SLCO5A1: variants seen among roughly 807,000 people sequenced by gnomAD.
SLCO5A1 encodes solute carrier organic anion transporter family member 5A1.
A neutral mutation model predicts 65.1 loss-of-function variants in SLCO5A1; 39 were observed. The ratio of observed to expected loss-of-function variants is 0.60; its 90% CI spans 0.46 to 0.78. SLCO5A1 has a LOEUF of 0.78. Among genes scored for constraint, SLCO5A1 ranks in the 30% least tolerant of loss-of-function variants. The probability of loss-of-function intolerance (pLI) is 0.00; values close to 1 mark genes in which losing one functional copy is unlikely to be tolerated. For missense variants in SLCO5A1, 1,029 were observed against 1,069.4 expected (o/e 0.96, Z 0.53); for synonymous variants, 438 against 415.7 (o/e 1.05, Z -0.65).
At chr8:69,825,078 T>G (rs1156753574) in intron 2 of SLCO5A1, among the ~76,000 whole-genome samples, 1 of 152,130 alleles carries the variant, frequency 6.6e-6, no homozygotes, top group East Asian at 1.9e-4. Context: ...AATTCAACAA[T>G]GCTTCATGGT....
rs529617880 is a variant in SLCO5A1, at chr8:69,695,021, T to C, written c.1622+10010A>G. Among the ~76,000 whole-genome samples, 13 of 152,336 alleles carry C rather than the reference T, an allele frequency of 8.5e-5. 1 individual carries two copies. The South Asian group carries it at 2.7e-3, about 32-fold the overall frequency. On this transcript the variant is annotated intron_variant, in intron 6 of 9. Coordinates refer to ENST00000260126, the MANE Select transcript of SLCO5A1 (RefSeq NM_030958.3). ...GGTAGGTGCCAGACATTCATTCATC[T>C]GTTAAAGAAGAAAATGGAATTGCTC...
At chr8:69,716,154 A>C (rs2380578) in intron 5 of SLCO5A1, among the ~76,000 whole-genome samples, 11,663 of 152,264 alleles carry the variant, frequency 0.077, 640 homozygotes, top group African/African-American at 0.14. Context: ...TGAGTTCTTC[A>C]TTCCTATTTA....
At chr8:69,729,571 A>T (rs1335756107) in intron 5 of SLCO5A1, among the ~76,000 whole-genome samples, 2 of 151,978 alleles carry the variant, frequency 1.3e-5, no homozygotes, top group African/African-American at 4.8e-5. Flanking sequence ...TAGAATATAA[A>T]TTTTTACTCT....
intron 2 of SLCO5A1, among the ~76,000 whole-genome samples, chr8:69,801,579 T>C (rs1278724709): frequency 6.6e-6 from 1 of 152,236 alleles, no homozygotes; most frequent in African/African-American, 2.4e-5. Flanking sequence ...ACGAACATTT[T>C]ATGATTTAGA....
chr8:69,686,051 A>G (rs1437276018), intron 6 of SLCO5A1, among the ~76,000 whole-genome samples: 2 of 152,052 alleles, frequency 1.3e-5, no homozygotes, highest in African/African-American at 4.8e-5. Context: ...CAACTTCCCC[A>G]TCTAAACATA....
intron 2 of SLCO5A1, among the ~76,000 whole-genome samples, chr8:69,812,809 G>A (rs950834221): frequency 6.6e-6 from 1 of 152,148 alleles, no homozygotes; most frequent in African/African-American, 2.4e-5. Context: ...CATCTTAGCA[G>A]CAAAACCAAC....
intron 2 of SLCO5A1, among the ~76,000 whole-genome samples, chr8:69,772,211 T>G (rs559444716): frequency 2.2e-4 from 34 of 152,270 alleles, no homozygotes; most frequent in Non-Finnish European, 3.4e-4. Context: ...ATTGAATAAT[T>G]CAACCTGCCT....
At chr8:69,753,327 A>C (rs1817402596) in intron 4 of SLCO5A1, among the ~76,000 whole-genome samples, 1 of 152,148 alleles carries the variant, frequency 6.6e-6, no homozygotes, top group African/African-American at 2.4e-5. Context: ...GGGGCATGGG[A>C]GGCCAGGGGG....
intron 4 of SLCO5A1, among the ~76,000 whole-genome samples, chr8:69,739,398 A>G (rs532422819): frequency 8.5e-5 from 13 of 152,314 alleles, no homozygotes; most frequent in Admixed American, 3.3e-4. Flanking sequence ...GGAAAAATAT[A>G]TAACACCAGA....
intron 4 of SLCO5A1, among the ~76,000 whole-genome samples, chr8:69,743,727 AT>A (rs1280792028): frequency 6.6e-6 from 1 of 152,144 alleles, no homozygotes; most frequent in Non-Finnish European, 1.5e-5. Context: ...AGGACCTGAT[AT>A]CCCCAAATGA....
intron 2 of SLCO5A1, among the ~76,000 whole-genome samples, chr8:69,777,811 T>C (rs1327908686): frequency 6.6e-6 from 1 of 152,196 alleles, no homozygotes; most frequent in Non-Finnish European, 1.5e-5. Context: ...GAGGTCGTCG[T>C]GACTGGATGC....
intron 5 of SLCO5A1, among the ~76,000 whole-genome samples, chr8:69,730,419 G>A (rs1816280387): frequency 6.6e-6 from 1 of 152,164 alleles, no homozygotes; most frequent in Admixed American, 6.5e-5. Flanking sequence ...TTTAATCTAA[G>A]ATTTTAGGGA....
intron 6 of SLCO5A1, among the ~76,000 whole-genome samples, chr8:69,683,415 T>A (rs57054615): frequency 1.3e-5 from 2 of 152,264 alleles, no homozygotes; most frequent in East Asian, 3.9e-4. Flanking sequence ...TGAAATAGAT[T>A]TAGAGGGGGT....
chr8:69,781,380 T>G (rs1019950887), intron 2 of SLCO5A1, among the ~76,000 whole-genome samples: 2 of 152,230 alleles, frequency 1.3e-5, no homozygotes, highest in African/African-American at 4.8e-5. Context: ...CTACCCTGTT[T>G]TTTGCATCAA....
chr8:69,774,260 G>C (rs1446073427), intron 2 of SLCO5A1, among the ~76,000 whole-genome samples: 1 of 152,150 alleles, frequency 6.6e-6, no homozygotes, highest in Admixed American at 6.5e-5. Flanking sequence ...GGCCCTCAGG[G>C]CTGCCCTGTT....
At chr8:69,699,328 G>T (rs2933056) in intron 6 of SLCO5A1, among the ~76,000 whole-genome samples, 60,344 of 151,882 alleles carry the variant, frequency 0.4, 12,089 homozygotes, top group South Asian at 0.56. Flanking sequence ...GAGGACCCAG[G>T]CCCGTTCCCC....
intron 5 of SLCO5A1, among the ~76,000 whole-genome samples, chr8:69,717,315 CG>C (rs1224598313): frequency 1.3e-5 from 2 of 152,102 alleles, no homozygotes; most frequent in African/African-American, 2.4e-5. Flanking sequence ...CTTTTGCATG[CG>C]GCTATTCAGT....
intron 4 of SLCO5A1, among the ~76,000 whole-genome samples, chr8:69,751,600 T>C (rs1218053871): frequency 6.6e-6 from 1 of 151,766 alleles, no homozygotes; most frequent in Non-Finnish European, 1.5e-5. Context: ...CAGGCTTGAG[T>C]GCAGTGGCAC....
At chr8:69,801,735 G>C (rs908768247) in intron 2 of SLCO5A1, among the ~76,000 whole-genome samples, 2 of 152,076 alleles carry the variant, frequency 1.3e-5, no homozygotes, top group African/African-American at 4.8e-5. Flanking sequence ...CTGACACAAG[G>C]CTCCCTGGTC....
Sources: allele counts gnomAD v4.1 joint callset (sites outside exome capture counted in the v4.1 genomes callset), GRCh38; gene constraint gnomAD v4.1.1; transcripts MANE v1.5; gene names NCBI Gene and HGNC (gene_info 2026-07-23, HGNC 2026-07-21).